CSMD1: variants seen among roughly 807,000 people sequenced by gnomAD.
The protein encoded by CSMD1 is CUB and sushi domain-containing protein 1.
CSMD1 carries 213 observed loss-of-function variants against 417.5 expected under a neutral mutation model. The ratio of observed to expected loss-of-function variants is 0.51; its 90% CI spans 0.46 to 0.57. The LOEUF is 0.57. CSMD1 is among the 20% of genes least tolerant of loss of function. The pLI, the probability that CSMD1 is intolerant of heterozygous loss-of-function variation, is 0.00. For synonymous variants in CSMD1, 2,862 were observed against 1,736.8 expected, an observed-to-expected ratio of 1.65 and a Z score of -16.11; for missense variants, 6,923 against 4,529.7, an observed-to-expected ratio of 1.53 and a Z score of -15.17.
intron 10 of CSMD1, among the ~76,000 whole-genome samples, chr8:3,499,501 TG>T (rs1796505106): frequency 6.6e-6 from 1 of 151,762 alleles, no homozygotes; most frequent in Non-Finnish European, 1.5e-5. Context: ...CTGCTTGGAG[TG>T]GGGGGAGTGT....
chr8:3,395,432 C>T (rs1252803674), intron 17 of CSMD1, among the ~76,000 whole-genome samples: 2 of 151,990 alleles, frequency 1.3e-5, no homozygotes, highest in Non-Finnish European at 2.9e-5. Flanking sequence ...AGGGGTGATT[C>T]CCATCAGCTA....
chr8:3,148,410 T>C (rs1290450302), intron 40 of CSMD1, among the ~76,000 whole-genome samples: 2 of 152,180 alleles, frequency 1.3e-5, no homozygotes, highest in Non-Finnish European at 2.9e-5. Flanking sequence ...AAATGAGCTG[T>C]GCAGTGCTGT....
chr8:3,789,309 G>A (rs1445760641), intron 5 of CSMD1, among the ~76,000 whole-genome samples: 1 of 150,540 alleles, frequency 6.6e-6, no homozygotes, highest in East Asian at 2.0e-4. Flanking sequence ...TATATTTATT[G>A]TGACAGCCCC....
chr8:4,962,030 C>G (rs1210761522), intron 1 of CSMD1, among the ~76,000 whole-genome samples: 1 of 151,660 alleles, frequency 6.6e-6, no homozygotes, highest in Non-Finnish European at 1.5e-5. Context: ...TTAGTAATAA[C>G]TTTGGGAAGG....
At chr8:4,942,284 T>A (rs1192280665) in intron 1 of CSMD1, among the ~76,000 whole-genome samples, 1 of 152,112 alleles carries the variant, frequency 6.6e-6, no homozygotes, top group East Asian at 1.9e-4. Context: ...GATAAAACTA[T>A]GATTCAAAAG....
intron 22 of CSMD1, among the ~76,000 whole-genome samples, chr8:3,347,252 A>C (rs1296591052): frequency 6.6e-6 from 1 of 152,218 alleles, no homozygotes; most frequent in Non-Finnish European, 1.5e-5. Flanking sequence ...CCTTGAGGCT[A>C]GGTTGCCCAT....
chr8:4,941,789 G>C (rs1308228708), intron 1 of CSMD1, among the ~76,000 whole-genome samples: 1 of 152,018 alleles, frequency 6.6e-6, no homozygotes, highest in African/African-American at 2.4e-5. Flanking sequence ...TGTAGGGACA[G>C]GGTCTCCCCA....
intron 2 of CSMD1, among the ~76,000 whole-genome samples, chr8:4,489,408 T>G (rs925622770): frequency 8.5e-5 from 13 of 152,218 alleles, no homozygotes; most frequent in Admixed American, 2.0e-4. Flanking sequence ...ACATTTACCA[T>G]TCTTCAAAGT....
At chr8:4,209,572 G>C (rs1157034375) in intron 3 of CSMD1, among the ~76,000 whole-genome samples, 1 of 152,138 alleles carries the variant, frequency 6.6e-6, no homozygotes, top group Non-Finnish European at 1.5e-5. Context: ...TCTGGCATTT[G>C]TCCACCTGCC....
intron 4 of CSMD1, among the ~76,000 whole-genome samples, chr8:4,023,375 C>G (rs17068605): frequency 0.11 from 16,584 of 152,086 alleles, 1,064 homozygotes; most frequent in South Asian, 0.22. Flanking sequence ...CAACAATGCC[C>G]TGGTCCAAAT....
chr8:4,438,741 G>C (rs777591765), intron 2 of CSMD1, among the ~76,000 whole-genome samples: 1 of 152,168 alleles, frequency 6.6e-6, no homozygotes, highest in African/African-American at 2.4e-5. Flanking sequence ...GCAAATATTT[G>C]GTTACAAATG....
chr8:4,552,544 T>C (rs1797919213), intron 2 of CSMD1, among the ~76,000 whole-genome samples: 1 of 152,104 alleles, frequency 6.6e-6, no homozygotes, highest in Non-Finnish European at 1.5e-5. Context: ...CAGCTTTCCA[T>C]TCCCTGGGAA....
intron 41 of CSMD1, among the ~76,000 whole-genome samples, chr8:3,139,154 G>A (rs75184843): frequency 0.016 from 2,475 of 152,224 alleles, 68 homozygotes; most frequent in African/African-American, 0.057. Flanking sequence ...CAGAGGAGGT[G>A]GAAAACAAAC....
At chr8:3,406,986 G>C (rs1299485197) in intron 14 of CSMD1, among the ~76,000 whole-genome samples, 3 of 152,140 alleles carry the variant, frequency 2.0e-5, no homozygotes, top group African/African-American at 4.8e-5. Flanking sequence ...TGCATAAGTG[G>C]CTGAGTGGGT....
rs1167208012 is a variant in CSMD1 at position 3,724,077 on chromosome 8, A to G, written c.932-15586T>C. 1.8e-5 allele frequency among the ~76,000 whole-genome samples: 2 copies of G among 111,232 alleles called. 1 individual carries two copies. Among genetic ancestry groups the G allele is most frequent in the Non-Finnish European group, 4.7e-5 (2 of 42,466 alleles). The allele number at this position is 111,232 out of a possible 152,430, so 73.0% of individuals were successfully genotyped here. A position where few individuals can be genotyped will look rare whatever the true frequency, so the allele number is the denominator to read the frequency against. ...CAGATTTTGTTCATTGACTTCAACC[A>G]GAATAACAGAGCACAGCACATTAAA... On this transcript the variant is annotated intron_variant, in intron 6 of 69. Transcript: ENST00000635120.
chr8:4,392,587 T>G (rs1188561504), intron 3 of CSMD1, among the ~76,000 whole-genome samples: 1 of 152,016 alleles, frequency 6.6e-6, no homozygotes, highest in East Asian at 1.9e-4. Flanking sequence ...GGCTTTCATC[T>G]GAATTTGCTA....
intron 42 of CSMD1, among the ~76,000 whole-genome samples, chr8:3,112,614 A>C (rs1194710848): frequency 2.0e-5 from 3 of 152,200 alleles, no homozygotes; most frequent in Non-Finnish European, 4.4e-5. Context: ...ATCTACTGAG[A>C]GTGGGTTATG....
At chr8:4,332,109 G>A (rs999957641) in intron 3 of CSMD1, among the ~76,000 whole-genome samples, 10 of 151,986 alleles carry the variant, frequency 6.6e-5, no homozygotes, top group Non-Finnish European at 8.8e-5. Context: ...AAGAAACCAC[G>A]CATAATTCTA....
At chr8:3,712,464 C>T (rs1009505963) in intron 6 of CSMD1, among the ~76,000 whole-genome samples, 1 of 151,572 alleles carries the variant, frequency 6.6e-6, no homozygotes, top group African/African-American at 2.4e-5. Context: ...GAAACTAGAG[C>T]TGCAGGAATG....
Sources: gnomAD v4.1 joint callset for allele counts (sites outside exome capture counted in the v4.1 genomes callset) on GRCh38, gnomAD v4.1.1 for gene constraint, MANE v1.5 for transcripts, NCBI Gene and HGNC (gene_info 2026-07-23, HGNC 2026-07-21) for gene names.